Variants in LAMB4 observed in about 807,000 individuals in gnomAD.
LAMB4 encodes the protein laminin subunit beta 4.
Under a neutral mutation model 199.2 loss-of-function variants are expected in LAMB4, and 196 were observed. The observed-to-expected ratio is 0.98, with a 90% CI of 0.88 to 1.11. The LOEUF (loss-of-function observed/expected upper bound fraction) is 1.11, where lower values mean the gene tolerates loss of function less well. Ranked by LOEUF, LAMB4 falls within the 50% of genes least tolerant of loss-of-function variation. The pLI, the probability that LAMB4 is intolerant of heterozygous loss-of-function variation, is 0.00. For synonymous variants in LAMB4, 744 were observed against 770.6 expected, an observed-to-expected ratio of 0.97 and a Z score of 0.57; for missense variants, 2,080 against 2,171.2, an observed-to-expected ratio of 0.96 and a Z score of 0.83.
intron 18 of LAMB4, 104 bp downstream of exon 18, chr7:108,069,600 GGTAT>G (rs1231719544): frequency 2.2e-6 from 2 of 916,906 alleles, no homozygotes; most frequent in African/African-American, 1.6e-5. Flanking sequence ...TTGAGTGATG[GGTAT>G]TTTGGTTGTT....
chr7:108,025,896 C>A (rs1636949), intron 33 of LAMB4, among the ~76,000 whole-genome samples: 30,712 of 152,114 alleles, frequency 0.2, 7,228 homozygotes, highest in African/African-American at 0.58. Context: ...GGAAAGCTAC[C>A]CTTCCTGGAT....
At position 108,048,005 on chromosome 7, in the gene LAMB4, C is replaced by G; in HGVS notation, c.4229G>C (p.Gly1410Ala). ...GGCATTCGTTGAGAGGGTCAGGGAG[C>G]CGTGACAGCCGGGACCCCTACACTT... ...HRKCRGPGCH[G>A]SLTLSTNALQ... Residue 1410 changes from glycine to alanine, a missense_variant, in exon 28 of 34, where the codon GGC becomes GCC. Transcript: ENST00000388781. The G allele has an allele frequency of 6.2e-7, 1 of 1,614,136 alleles. No individual in the cohort carries two copies. The highest frequency in any genetic ancestry group is 8.5e-7 in the Non-Finnish European group (1 of 1,179,988).
intron 14 of LAMB4, among the ~76,000 whole-genome samples, chr7:108,083,832 A>G (rs77204110): frequency 4.4e-4 from 67 of 152,322 alleles, no homozygotes; most frequent in African/African-American, 1.5e-3. Flanking sequence ...TCACTGTAAC[A>G]TTAGGCTCTG....
At chr7:108,017,561 G>A in the LAMB4 span, among the ~76,000 whole-genome samples, 4 of 152,318 alleles carry the variant, frequency 2.6e-5, no homozygotes, top group Admixed American at 6.5e-5. Flanking sequence ...GGACTTAAAC[G>A]TGTGCAAATG....
chr7:108,066,223 G>A (rs1452311951), intron 20 of LAMB4, 146 bp downstream of exon 20: 2 of 660,990 alleles, frequency 3.0e-6, no homozygotes, highest in Non-Finnish European at 5.1e-6. Context: ...GATTTTGAAG[G>A]GTGAGAAAGC....
chr7:108,048,228 G>A, intron 27 of LAMB4, 117 bp from the exon 28 acceptor site: 1 of 804,058 alleles, frequency 1.2e-6, no homozygotes, highest in Non-Finnish European at 1.9e-6. Context: ...GCAATAGCGT[G>A]ACCTTGGCTC....
At chr7:108,111,987 A>G in intron 3 of LAMB4, 41 bp from the exon 4 acceptor site, 4 of 1,533,192 alleles carry the variant, frequency 2.6e-6, no homozygotes, top group African/African-American at 1.4e-5. Flanking sequence ...AAAAATTGGA[A>G]TTACATATTG....
In LAMB4 at chr7:108,049,513, T is replaced by C; in HGVS notation, c.3935A>G (p.Lys1312Arg). 6.2e-7 allele frequency: 1 copy of C among 1,603,784 alleles called. No individual in the cohort carries two copies. Among genetic ancestry groups the C allele is most frequent in the East Asian group, 2.2e-5 (1 of 44,606 alleles). ...ASIADSSENI[K>R]KYYHISSSAE... ...AGATGATGATATGTGATAATATTTC[T>C]TGATGTTTTCTGAGGAGTCTACGTC... The change falls in exon 27 of 34, where the codon AAG (lysine) becomes AGG (arginine). Residue 1312 changes from lysine (K) to arginine (R), a missense_variant. Coordinates refer to ENST00000388781, the MANE Select transcript of LAMB4 (RefSeq NM_007356.3).
In LAMB4 at chr7:108,062,915, A is replaced by G; in HGVS notation, c.3141T>C (p.Thr1047=). The G allele has an allele frequency of 1.2e-6, 2 of 1,609,232 alleles. No homozygotes were observed. Among genetic ancestry groups the G allele is most frequent in the Non-Finnish European group, 1.7e-6 (2 of 1,178,094 alleles). The change falls in exon 23 of 34, where the codon ACT becomes ACC. Residue 1047 remains threonine (T), a synonymous_variant. Coordinates refer to ENST00000388781, the MANE Select transcript of LAMB4 (RefSeq NM_007356.3). ...GGGACLCDPV[T]GACPCLPNVT... ...CATTCGGCAGACAAGGACATGCACC[A>G]GTGACAGGGTCACAGAGGCAAGCTC...
At chr7:108,065,100 G>T (rs2036290612) in intron 21 of LAMB4, among the ~76,000 whole-genome samples, 1 of 151,922 alleles carries the variant, frequency 6.6e-6, no homozygotes, top group Non-Finnish European at 1.5e-5. Flanking sequence ...TGGAGACAGG[G>T]TCTTGCTTTG....
intron 14 of LAMB4, among the ~76,000 whole-genome samples, chr7:108,084,126 C>T (rs2037069998): frequency 6.6e-6 from 1 of 152,230 alleles, no homozygotes; most frequent in Non-Finnish European, 1.5e-5. Flanking sequence ...TGAGTCATCT[C>T]ATTCAGAAGT....
At chr7:108,020,975 G>A (rs1378842995), downstream of LAMB4, among the ~76,000 whole-genome samples, 1 of 152,190 alleles carries the variant, frequency 6.6e-6, no homozygotes. Flanking sequence ...AGATGGATGT[G>A]ACTAGGACCA....
chr7:108,032,523 GC>G (rs1226547005), intron 31 of LAMB4, among the ~76,000 whole-genome samples: 3 of 152,136 alleles, frequency 2.0e-5, no homozygotes, highest in Non-Finnish European at 4.4e-5. Flanking sequence ...GCATCTGGGA[GC>G]CCTACCAACC....
In LAMB4 at chr7:108,034,787, T is replaced by G. The variant is rs181246205; in HGVS notation, c.4680-441A>C. 9.9e-5 allele frequency among the ~76,000 whole-genome samples: 15 copies of G among 152,182 alleles called. No individual in the cohort carries two copies. In the East Asian group the frequency reaches 2.9e-3, roughly 29 times the overall value. ...ACAGGCCCTGCATTTTTAGGCTTGT[T>G]TATTCAGAGTTAGCTAAGCTTCACT... On this transcript the variant is annotated intron_variant, in intron 30 of 33. Transcript: ENST00000388781.
intron 1 of LAMB4, among the ~76,000 whole-genome samples, chr7:108,127,195 T>G (rs13223843): frequency 7.6e-6 from 1 of 131,838 alleles, no homozygotes; most frequent in Non-Finnish European, 1.7e-5. Context: ...TTGTGTTTTT[T>G]TTTTTTTTTT....
At chr7:108,051,845 A>G (rs2035837028) in intron 26 of LAMB4, among the ~76,000 whole-genome samples, 1 of 152,178 alleles carries the variant, frequency 6.6e-6, no homozygotes, top group Admixed American at 6.5e-5. Flanking sequence ...GCACTAGATT[A>G]CTTTGGGTGT....
intron 2 of LAMB4, among the ~76,000 whole-genome samples, chr7:108,122,424 T>C (rs1364311096): frequency 6.6e-6 from 1 of 152,134 alleles, no homozygotes; most frequent in Admixed American, 6.5e-5. Context: ...AGAGAACAAA[T>C]GAGTGCTTAC....
At chr7:108,091,971 GC>G (rs1015191504) in intron 13 of LAMB4, among the ~76,000 whole-genome samples, 195 bp from the exon 14 acceptor site, 15 of 152,262 alleles carry the variant, frequency 9.9e-5, no homozygotes, top group Admixed American at 5.9e-4. Flanking sequence ...GGGCCATGGA[GC>G]CCAGGCGGCC....
At chr7:108,100,787 A>G (rs1294618851) in intron 10 of LAMB4, among the ~76,000 whole-genome samples, 3 of 152,202 alleles carry the variant, frequency 2.0e-5, no homozygotes, top group Non-Finnish European at 4.4e-5. Flanking sequence ...AATAAAAGTT[A>G]TGTGTGTGCA....
Sources: gnomAD v4.1 joint callset for allele counts (sites outside exome capture counted in the v4.1 genomes callset) on GRCh38, gnomAD v4.1.1 for gene constraint, MANE v1.5 for transcripts, NCBI Gene and HGNC (gene_info 2026-07-23, HGNC 2026-07-21) for gene names.